The following LRRC4C variants were observed in gnomAD, a reference collection of about 807,000 sequenced individuals.
LRRC4C encodes leucine rich repeat containing 4C.
A neutral mutation model predicts 33.6 loss-of-function variants in LRRC4C; 5 were observed. The observed-to-expected ratio is 0.15, with a 90% CI of 0.08 to 0.31. The LOEUF is 0.31. Among genes scored for constraint, LRRC4C ranks in the 10% least tolerant of loss-of-function variants. LRRC4C has a pLI of 1.00. For missense variants in LRRC4C, 560 were observed against 796.7 expected, an observed-to-expected ratio of 0.70 and a Z score of 3.58; for synonymous variants, 329 against 302.0, an observed-to-expected ratio of 1.09 and a Z score of -0.93.
At chr11:40,121,097 C>G (rs1297561711) in intron 6 of LRRC4C, among the ~76,000 whole-genome samples, 1 of 152,088 alleles carries the variant, frequency 6.6e-6, no homozygotes, top group Non-Finnish European at 1.5e-5. Flanking sequence ...AAGACAGGAG[C>G]AGCAATAATA....
chr11:40,862,208 T>C (rs1295592495), intron 2 of LRRC4C, among the ~76,000 whole-genome samples: 1 of 152,228 alleles, frequency 6.6e-6, no homozygotes, highest in Non-Finnish European at 1.5e-5. Context: ...TTCTATAGTA[T>C]ATTACTAAGT....
intron 1 of LRRC4C, among the ~76,000 whole-genome samples, chr11:41,322,645 A>C (rs892088253): frequency 2.6e-5 from 4 of 152,182 alleles, no homozygotes; most frequent in African/African-American, 9.7e-5. Flanking sequence ...GGTGTCTATC[A>C]CCATAGATCA....
intron 2 of LRRC4C, among the ~76,000 whole-genome samples, chr11:40,911,877 G>T (rs1956714001): frequency 6.6e-6 from 1 of 152,290 alleles, no homozygotes; most frequent in Non-Finnish European, 1.5e-5. Context: ...GAAAACCACG[G>T]CACAAGAACT....
At chr11:40,771,240 C>T (rs1282618769) in intron 2 of LRRC4C, among the ~76,000 whole-genome samples, 2 of 152,192 alleles carry the variant, frequency 1.3e-5, no homozygotes, top group Admixed American at 6.5e-5. Context: ...ACAAACACCA[C>T]GTGGAAGCTA....
At chr11:40,659,516 A>G (rs1344461710) in intron 2 of LRRC4C, among the ~76,000 whole-genome samples, 1 of 151,934 alleles carries the variant, frequency 6.6e-6, no homozygotes, top group African/African-American at 2.4e-5. Flanking sequence ...TTGCCCATGG[A>G]CCAATCAGCA....
rs565979569 is a variant in LRRC4C, at chr11:40,485,590, A to G, written c.-270+162552T>C. Among the ~76,000 whole-genome samples, 8 of 152,100 alleles carry G rather than the reference A, an allele frequency of 5.3e-5. No individual in the cohort carries two copies. The South Asian group carries it at 1.7e-3, about 32-fold the overall frequency. ...CAGGGTACCAAAGAATCACCCCACA[A>G]AACTTTTCAAAGTGATCTGACAACC... is the stretch of plus-strand genomic sequence containing the variant. On this transcript the variant is annotated intron_variant, in intron 3 of 6. Transcript: ENST00000528697.
At chr11:40,538,582 G>A (rs1000389154) in intron 3 of LRRC4C, among the ~76,000 whole-genome samples, 25 of 152,068 alleles carry the variant, frequency 1.6e-4, no homozygotes, top group African/African-American at 4.6e-4. Context: ...GAATAGTGCC[G>A]CAATAAACAT....
intron 3 of LRRC4C, among the ~76,000 whole-genome samples, chr11:40,388,599 C>A (rs1949208225): frequency 6.6e-6 from 1 of 152,192 alleles, no homozygotes; most frequent in Non-Finnish European, 1.5e-5. Context: ...AGTGACACAG[C>A]ATCATCGTGT....
chr11:40,403,855 T>C (rs12805261), intron 3 of LRRC4C, among the ~76,000 whole-genome samples: 58,910 of 151,854 alleles, frequency 0.39, 11,760 homozygotes, highest in East Asian at 0.49. Flanking sequence ...ACTAAACAGA[T>C]TTGACTCCTA....
intron 3 of LRRC4C, among the ~76,000 whole-genome samples, chr11:40,482,633 C>A (rs1314812382): frequency 6.6e-6 from 1 of 151,952 alleles, no homozygotes; most frequent in Non-Finnish European, 1.5e-5. Flanking sequence ...CCATGCCCAG[C>A]TAATTTTTGT....
chr11:41,328,434 C>T (rs976089325), intron 1 of LRRC4C, among the ~76,000 whole-genome samples: 73 of 151,914 alleles, frequency 4.8e-4, no homozygotes, highest in African/African-American at 1.6e-3. Context: ...TGTGTGTGTG[C>T]GTGTCTGTGT....
intron 2 of LRRC4C, among the ~76,000 whole-genome samples, chr11:40,788,432 TG>T (rs1171266049): frequency 6.6e-6 from 1 of 152,182 alleles, no homozygotes; most frequent in Non-Finnish European, 1.5e-5. Context: ...CACCCTTTGC[TG>T]TAAATGTTTT....
intron 4 of LRRC4C, among the ~76,000 whole-genome samples, chr11:40,244,995 T>C (rs1339780796): frequency 2.6e-5 from 4 of 152,180 alleles, no homozygotes; most frequent in African/African-American, 4.8e-5. Context: ...TTAACATCAA[T>C]AGGCTCCTAA....
At chr11:40,468,038 G>A (rs1952738929) in intron 3 of LRRC4C, among the ~76,000 whole-genome samples, 1 of 152,164 alleles carries the variant, frequency 6.6e-6, no homozygotes, top group Admixed American at 6.5e-5. Flanking sequence ...ATTCCTGGTA[G>A]CCTGGAGCTT....
chr11:40,695,352 T>C (rs1436903047), intron 2 of LRRC4C, among the ~76,000 whole-genome samples: 1 of 152,172 alleles, frequency 6.6e-6, no homozygotes, highest in Non-Finnish European at 1.5e-5. Context: ...ATTATCTTTC[T>C]TTGCCAGAAC....
chr11:40,644,924 A>T (rs78395835), intron 3 of LRRC4C, among the ~76,000 whole-genome samples: 3,054 of 151,444 alleles, frequency 0.02, 70 homozygotes, highest in African/African-American at 0.06. Context: ...ATAAAGGGGG[A>T]ACAGGCACTC....
intron 3 of LRRC4C, among the ~76,000 whole-genome samples, chr11:40,590,176 TC>T (rs1299413071): frequency 6.6e-6 from 1 of 151,940 alleles, no homozygotes; most frequent in African/African-American, 2.4e-5. Context: ...TTTGCTTGTT[TC>T]TTTTTATTCT....
intron 1 of LRRC4C, among the ~76,000 whole-genome samples, chr11:41,446,635 G>A (rs138374940): frequency 1.3e-4 from 20 of 152,250 alleles, no homozygotes; most frequent in Middle Eastern, 3.4e-3. Context: ...GCCTATCCTT[G>A]TAGGTTATGT....
At chr11:40,552,883 A>G (rs563637320) in intron 3 of LRRC4C, among the ~76,000 whole-genome samples, 8 of 152,190 alleles carry the variant, frequency 5.3e-5, no homozygotes, top group Admixed American at 3.9e-4. Context: ...AAAGCTTCTG[A>G]GATGTAATAA....
Sources: gnomAD v4.1 joint callset for allele counts (sites outside exome capture counted in the v4.1 genomes callset) on GRCh38, gnomAD v4.1.1 for gene constraint, MANE v1.5 for transcripts, NCBI Gene and HGNC (gene_info 2026-07-23, HGNC 2026-07-21) for gene names.